CHODL: variants seen among roughly 807,000 people sequenced by gnomAD.
CHODL encodes chondrolectin.
Under a neutral mutation model 34.5 loss-of-function variants are expected in CHODL, and 29 were observed. The ratio of observed to expected loss-of-function variants is 0.84; its 90% confidence interval spans 0.63 to 1.15. CHODL has a LOEUF of 1.15. CHODL is among the 50% of genes most tolerant of loss of function. The pLI is 0.00. For missense variants in CHODL, 332 were observed against 332.5 expected (o/e 1.00, Z 0.01); for synonymous variants, 125 against 116.1 (o/e 1.08, Z -0.49).
intron 2 of CHODL, among the ~76,000 whole-genome samples, chr21:18,181,211 A>G (rs1358887831): frequency 6.6e-6 from 1 of 152,222 alleles, no homozygotes; most frequent in Non-Finnish European, 1.5e-5. Flanking sequence ...ACTGTTATGT[A>G]TATGTTCATA....
chr21:18,122,366 A>G (rs1282146978), intron 2 of CHODL, among the ~76,000 whole-genome samples: 1 of 152,136 alleles, frequency 6.6e-6, no homozygotes, highest in East Asian at 1.9e-4. Context: ...AAATTCTTAT[A>G]AAATATGGCT....
chr21:18,262,590 A>T (rs73206959), intron 4 of CHODL, among the ~76,000 whole-genome samples: 6,872 of 152,282 alleles, frequency 0.045, 227 homozygotes, highest in Admixed American at 0.068. Flanking sequence ...CACATATGTG[A>T]TGCATCGTTG....
chr21:18,020,137 T>C (rs531291016), intron 1 of CHODL, among the ~76,000 whole-genome samples: 4 of 152,178 alleles, frequency 2.6e-5, no homozygotes, highest in Non-Finnish European at 4.4e-5. Flanking sequence ...AGGTACTTTT[T>C]GGTTTTGCCC....
chr21:18,123,303 A>G (rs2065503242), intron 2 of CHODL, among the ~76,000 whole-genome samples: 3 of 152,154 alleles, frequency 2.0e-5, no homozygotes, highest in Admixed American at 2.0e-4. Context: ...CCCAAGTTCC[A>G]CTTCCCACTC....
At chr21:18,204,302 C>A (rs1358512951) in intron 2 of CHODL, among the ~76,000 whole-genome samples, 3 of 152,038 alleles carry the variant, frequency 2.0e-5, no homozygotes, top group Non-Finnish European at 2.9e-5. Context: ...CCTGCATCTT[C>A]TTTTTTGTGT....
intron 1 of CHODL, among the ~76,000 whole-genome samples, chr21:18,248,549 A>C (rs1349053625): frequency 6.9e-6 from 1 of 145,284 alleles, no homozygotes; most frequent in African/African-American, 2.5e-5. Context: ...AGATGGCAGT[A>C]TCTGTTACAT....
chr21:18,207,412 T>A (rs1187240937), intron 2 of CHODL, among the ~76,000 whole-genome samples: 1 of 152,178 alleles, frequency 6.6e-6, no homozygotes, highest in Non-Finnish European at 1.5e-5. Flanking sequence ...TATTATACTG[T>A]GTTTCAAAAA....
intron 1 of CHODL, among the ~76,000 whole-genome samples, chr21:18,012,031 T>A (rs969693826): frequency 6.6e-6 from 1 of 152,242 alleles, no homozygotes; most frequent in African/African-American, 2.4e-5. Flanking sequence ...GTGAAAGTGA[T>A]GTCTTTTAAT....
At position 18,265,987 on chromosome 21, in the gene CHODL, T is replaced by G. The variant is rs1034561626; in HGVS notation, c.771T>G (p.Ser257=). The change falls in exon 6 of 6, where the codon TCT becomes TCG. Residue 257 remains serine, a synonymous_variant. Transcript: ENST00000299295. ...KGRTKTSPNQ[S]TLWISKSTRK... ...GAACAAAAACTAGTCCAAACCAGTCTACACTGTGGATTTCAAAGAGTACCA... is the reference window on the plus strand; with the variant it reads ...GAACAAAAACTAGTCCAAACCAGTCGACACTGTGGATTTCAAAGAGTACCA... 5 of 1,613,502 alleles carry G rather than the reference T, an allele frequency of 3.1e-6. No homozygotes were observed. The Admixed American group carries it at 5.0e-5, about 16-fold the overall frequency.
At chr21:18,084,971 G>A (rs1325774997) in intron 2 of CHODL, among the ~76,000 whole-genome samples, 1 of 150,144 alleles carries the variant, frequency 6.7e-6, no homozygotes, top group Non-Finnish European at 1.5e-5. Context: ...GAATCTGAGT[G>A]CTCCAATGTT....
intron 1 of CHODL, among the ~76,000 whole-genome samples, chr21:18,011,122 G>T (rs924291319): frequency 6.6e-6 from 1 of 152,118 alleles, no homozygotes; most frequent in Non-Finnish European, 1.5e-5. Flanking sequence ...CTGTACTGGG[G>T]CAAGTGTATG....
intron 1 of CHODL, among the ~76,000 whole-genome samples, chr21:17,956,904 A>G (rs2063497109): frequency 6.7e-6 from 1 of 149,856 alleles, no homozygotes; most frequent in Non-Finnish European, 1.5e-5. Flanking sequence ...ATATCTAGTT[A>G]AACATTATTT....
chr21:18,010,581 C>T (rs1417863071), intron 1 of CHODL, among the ~76,000 whole-genome samples: 5 of 152,146 alleles, frequency 3.3e-5, no homozygotes, highest in African/African-American at 1.2e-4. Flanking sequence ...TAATCAGGGA[C>T]CCACTTTTCC....
At position 18,009,897 on chromosome 21, in the gene CHODL, A is replaced by AAAAAAAAAT. The variant is rs1337340573; in HGVS notation, c.-144-17972_-144-17971insAAAAATAAA. Among the ~76,000 whole-genome samples the AAAAAAAAAT allele has an allele frequency of 4.2e-4, 63 of 149,960 alleles. 1 individual carries two copies. Among genetic ancestry groups the AAAAAAAAAT allele is most frequent in the South Asian group, 3.6e-3 (17 of 4,720 alleles). On this transcript the variant is annotated intron_variant, in intron 1 of 6. Transcript: ENST00000400127. Reference sequence around the variant, plus strand: ...AGCCAGACTCCGTCTCAAAAAAAAAAAAATAACATTTGGGTATCAATCAGG... The same window carrying AAAAAAAAAT: ...AGCCAGACTCCGTCTCAAAAAAAAAAAAAAAAAATAAATAACATTTGGGTATCAATCAGG...
chr21:18,018,293 C>A (rs2064094302), intron 1 of CHODL, among the ~76,000 whole-genome samples: 1 of 151,934 alleles, frequency 6.6e-6, no homozygotes, highest in Non-Finnish European at 1.5e-5. Flanking sequence ...TGGGAGAGGT[C>A]AAGGGTGGAA....
Position 18,266,262 on chromosome 21 carries a change from G to A in CHODL, c.*224G>A. 3 of 1,424,698 alleles carry A rather than the reference G, an allele frequency of 2.1e-6. No homozygotes were observed. Among genetic ancestry groups the A allele is most frequent in the Non-Finnish European group, 2.8e-6 (3 of 1,076,956 alleles). The allele number at this position is 1,424,698 out of a possible 1,614,324, so 88.3% of individuals were successfully genotyped here. On this transcript the variant is annotated 3_prime_UTR_variant, in exon 6 of 6. Coordinates refer to ENST00000299295, the MANE Select transcript of CHODL (RefSeq NM_024944.3). ...AGACATGCTTATTTTGCTAAAGGAT[G>A]CACCCAAACTTCAAACTTCAAGCAA...
intron 1 of CHODL, among the ~76,000 whole-genome samples, chr21:18,010,423 G>A (rs1437108260): frequency 6.6e-6 from 1 of 151,384 alleles, no homozygotes; most frequent in Non-Finnish European, 1.5e-5. Context: ...TGGCTGTGAA[G>A]ATCTGTAGCC....
At chr21:18,064,818 G>A (rs1390809180) in intron 2 of CHODL, among the ~76,000 whole-genome samples, 2 of 152,234 alleles carry the variant, frequency 1.3e-5, no homozygotes, top group African/African-American at 4.8e-5. Context: ...TTATATGTTT[G>A]TATCTCCTAT....
intron 2 of CHODL, among the ~76,000 whole-genome samples, chr21:18,028,268 T>A (rs1334870873): frequency 1.2e-5 from 1 of 80,644 alleles, no homozygotes; most frequent in Non-Finnish European, 2.5e-5. Context: ...CTTTTTCTTT[T>A]TCCTTTTCCC....
Sources: gnomAD v4.1 joint callset for allele counts (sites outside exome capture counted in the v4.1 genomes callset) on GRCh38, gnomAD v4.1.1 for gene constraint, MANE v1.5 for transcripts, NCBI Gene and HGNC (gene_info 2026-07-23, HGNC 2026-07-21) for gene names.